CES5A: variants seen among roughly 807,000 people sequenced by gnomAD.
CES5A encodes the protein carboxylesterase 5.
A neutral mutation model predicts 62.9 loss-of-function variants in CES5A; 67 were observed. The ratio of observed to expected loss-of-function variants is 1.07; its 90% CI spans 0.88 to 1.31. The LOEUF is 1.31. Among genes scored for constraint, CES5A ranks in the 50% most tolerant of loss-of-function variants. The pLI is 0.00. For missense variants in CES5A, 748 were observed against 708.5 expected (o/e 1.06, Z -0.63); for synonymous variants, 296 against 280.8 (o/e 1.05, Z -0.54).
intron 2 of CES5A, among the ~76,000 whole-genome samples, chr16:55,948,013 C>A (rs1235508029): frequency 6.6e-6 from 1 of 151,384 alleles, no homozygotes. Flanking sequence ...ATTGTAGGAG[C>A]TAAGAGTTTG....
chr16:55,869,508 GTCC>G, intron 4 of CES5A, 100 bp downstream of exon 4: 1 of 1,444,002 alleles, frequency 6.9e-7, no homozygotes, highest in South Asian at 1.7e-5. Flanking sequence ...TTTGTTCATT[GTCC>G]CGGAAGGCTC....
rs556243117 is a variant in CES5A at position 55,937,862 on chromosome 16, A to G, written c.160+11923T>C. 8.5e-5 allele frequency among the ~76,000 whole-genome samples: 13 copies of G among 152,298 alleles called. No homozygotes were observed. In the South Asian group the frequency reaches 1.2e-3, roughly 15 times the overall value. ...TACAAGCTTACTGTCTTGTGGTTGT[A>G]AGATTCCATGCTCTTGACAACCATG... On this transcript the variant is annotated intron_variant, in intron 2 of 13. Coordinates refer to the CES5A transcript ENST00000521992.
At chr16:55,855,829 G>A (rs748895287) in intron 9 of CES5A, among the ~76,000 whole-genome samples, 18 of 152,086 alleles carry the variant, frequency 1.2e-4, no homozygotes, top group Non-Finnish European at 2.1e-4. Context: ...ATATAGTTTC[G>A]ACCTGTGTCC....
upstream of CES5A, among the ~76,000 whole-genome samples, chr16:55,928,090 A>C (rs2034276397): frequency 6.6e-6 from 1 of 152,080 alleles, no homozygotes; most frequent in Non-Finnish European, 1.5e-5. Flanking sequence ...AAAAATAGAA[A>C]AAATTAGCTG....
chr16:55,946,893 G>A (rs188769490), intron 2 of CES5A, among the ~76,000 whole-genome samples: 7 of 152,258 alleles, frequency 4.6e-5, no homozygotes, highest in African/African-American at 1.2e-4. Flanking sequence ...TATTGTGATG[G>A]AAGAAGCCCA....
At position 55,890,083 on chromosome 16, in the gene CES5A, T is replaced by C. The variant is rs548538645; in HGVS notation, c.-255-16046A>G. ...ATTTTGAATGCCCTTGATAATAGCA[T>C]AAGCTGAGTCTGTAGGAGTCTTGCA... On this transcript the variant is annotated intron_variant, in intron 1 of 12. Transcript: ENST00000518005. Among the ~76,000 whole-genome samples the C allele has an allele frequency of 4.7e-4, 71 of 152,238 alleles. 1 individual carries two copies. The highest frequency in any genetic ancestry group is 3.3e-4 in the Admixed American group (5 of 15,290).
At chr16:55,861,640 A>G in intron 6 of CES5A, 124 bp from the exon 7 acceptor site, 1 of 713,072 alleles carries the variant, frequency 1.4e-6, no homozygotes, top group South Asian at 1.5e-5. Flanking sequence ...TCCTGCTAAC[A>G]CTGCCTAGAC....
intron 1 of CES5A, among the ~76,000 whole-genome samples, chr16:55,881,958 A>T (rs2033766303): frequency 6.6e-6 from 1 of 152,194 alleles, no homozygotes; most frequent in Admixed American, 6.5e-5. Context: ...TCCCACAGAG[A>T]TCTATGACAA....
chr16:55,876,080 C>T (rs762398742), upstream of CES5A, among the ~76,000 whole-genome samples: 1 of 152,182 alleles, frequency 6.6e-6, no homozygotes, highest in Non-Finnish European at 1.5e-5. Context: ...CTCTTATTTT[C>T]TAACAAATTG....
In CES5A at chr16:55,869,769, G is replaced by T. The variant is rs537674498; in HGVS notation, c.418-25C>A. 8.7e-4 allele frequency: 1,381 copies of T among 1,585,194 alleles called. 24 individuals carry two copies. In the South Asian group the frequency reaches 0.015, roughly 17 times the overall value. On this transcript the variant is annotated intron_variant, in intron 3 of 12. Coordinates refer to ENST00000290567, the MANE Select transcript of CES5A (RefSeq NM_001143685.2). Reference sequence around the variant, plus strand: ...CCTGAGGAGGGGAGAAGAGCATCCAGTCAGCCCACCAGGCACCACCTCCCC... The same window carrying T: ...CCTGAGGAGGGGAGAAGAGCATCCATTCAGCCCACCAGGCACCACCTCCCC...
At chr16:55,872,172 C>CT (rs2033604360) in intron 2 of CES5A, among the ~76,000 whole-genome samples, 1 of 152,160 alleles carries the variant, frequency 6.6e-6, no homozygotes, top group Admixed American at 6.5e-5. Context: ...ATTCTGTCCC[C>CT]AGATGCGCAA....
At chr16:55,938,509 G>A (rs182215047) in intron 2 of CES5A, among the ~76,000 whole-genome samples, 177 of 151,678 alleles carry the variant, frequency 1.2e-3, no homozygotes, top group African/African-American at 4.2e-3. Context: ...AGGCCAAGGT[G>A]GGTGGATCAC....
rs1395900983 is a variant in CES5A, at chr16:55,869,680, G to A, written c.482C>T (p.Ala161Val). The change falls in exon 4 of 13, where the codon GCC (alanine) becomes GTC (valine). Residue 161 changes from alanine (A) to valine (V), a missense_variant. Ala to Val is a moderately conservative substitution (Grantham distance 64). Transcript: ENST00000290567. ...CAGCACGTCCTCATAGGCAGCCAGG[G>A]CGGACCCATCAAAGATGGAGGCTGA... Reference protein sequence around the residue: ...TGSASIFDGSALAAYEDVLVV... With the variant: ...TGSASIFDGSVLAAYEDVLVV... 4.3e-6 allele frequency: 7 copies of A among 1,610,664 alleles called. No homozygotes were observed. The highest frequency in any genetic ancestry group is 5.9e-6 in the Non-Finnish European group (7 of 1,177,384).
intron 1 of CES5A, among the ~76,000 whole-genome samples, chr16:55,889,717 T>C (rs1210719537): frequency 6.6e-6 from 1 of 151,994 alleles, no homozygotes; most frequent in Non-Finnish European, 1.5e-5. Flanking sequence ...TCATTGGCCA[T>C]TGATAATTAA....
intron 1 of CES5A, among the ~76,000 whole-genome samples, chr16:55,951,522 A>T (rs1261560747): frequency 6.6e-6 from 1 of 152,220 alleles, no homozygotes; most frequent in African/African-American, 2.4e-5. Context: ...TAGATTTAGA[A>T]ACTAACATCC....
At chr16:55,924,093 G>A (rs553822658) in intron 1 of CES5A, among the ~76,000 whole-genome samples, 2 of 151,812 alleles carry the variant, frequency 1.3e-5, no homozygotes, top group South Asian at 2.1e-4. Flanking sequence ...AAGAAATAAA[G>A]GGCATTCCAA....
At chr16:55,916,092 C>T (rs2034145694) in intron 1 of CES5A, among the ~76,000 whole-genome samples, 2 of 152,110 alleles carry the variant, frequency 1.3e-5, no homozygotes, top group Non-Finnish European at 1.5e-5. Context: ...GTTTGGCAAG[C>T]CAGGGATTCT....
intron 1 of CES5A, among the ~76,000 whole-genome samples, chr16:55,919,008 G>A (rs2034174862): frequency 6.6e-6 from 1 of 152,108 alleles, no homozygotes; most frequent in Admixed American, 6.5e-5. Context: ...CCATCTTATG[G>A]GGCAGATTTC....
chr16:55,876,727 G>A (rs566285119), upstream of CES5A, among the ~76,000 whole-genome samples: 1 of 152,254 alleles, frequency 6.6e-6, no homozygotes, highest in Non-Finnish European at 1.5e-5. Flanking sequence ...CAGCAGAGCA[G>A]AAGTGGTTGG....
Sources: gnomAD v4.1 joint callset for allele counts (sites outside exome capture counted in the v4.1 genomes callset) on GRCh38, gnomAD v4.1.1 for gene constraint, MANE v1.5 for transcripts, NCBI Gene and HGNC (gene_info 2026-07-23, HGNC 2026-07-21) for gene names.